Variants in CNNM2 observed in about 807,000 individuals in gnomAD.
The protein encoded by CNNM2 is cyclin and CBS domain divalent metal cation transport mediator 2.
CNNM2 carries 12 observed loss-of-function variants against 66.9 expected under a neutral mutation model. That is an observed-to-expected ratio of 0.18 (90% CI 0.11 to 0.29). CNNM2 has a LOEUF of 0.29. Among genes scored for constraint, CNNM2 ranks in the 10% least tolerant of loss-of-function variants. The probability of loss-of-function intolerance (pLI) is 1.00; values close to 1 mark genes in which losing one functional copy is unlikely to be tolerated. For missense variants in CNNM2, 705 were observed against 1,167.7 expected (o/e 0.60, Z 5.77); for synonymous variants, 557 against 501.8 (o/e 1.11, Z -1.47).
At chr10:103,064,724 C>T (rs1363300820) in intron 4 of CNNM2, among the ~76,000 whole-genome samples, 1 of 151,998 alleles carries the variant, frequency 6.6e-6, no homozygotes, top group Non-Finnish European at 1.5e-5. Flanking sequence ...CCTGTAGTGC[C>T]AGCTACTCAG....
chr10:103,023,670 G>A (rs926496066), intron 1 of CNNM2, among the ~76,000 whole-genome samples: 4 of 152,202 alleles, frequency 2.6e-5, no homozygotes, highest in African/African-American at 9.6e-5. Flanking sequence ...CCAACATTGG[G>A]GATCACATTT....
intron 1 of CNNM2, among the ~76,000 whole-genome samples, chr10:103,001,362 T>C (rs2064119170): frequency 6.6e-6 from 1 of 151,988 alleles, no homozygotes; most frequent in Non-Finnish European, 1.5e-5. Flanking sequence ...ATACAAAAAA[T>C]TGGGGGAAAA....
intron 1 of CNNM2, among the ~76,000 whole-genome samples, chr10:103,026,497 A>G (rs2064705462): frequency 6.7e-6 from 1 of 148,812 alleles, no homozygotes; most frequent in African/African-American, 2.5e-5. Context: ...GCTACTCAAG[A>G]GGCTGAGGTG....
chr10:102,975,657 G>A (rs1358248551), intron 1 of CNNM2, among the ~76,000 whole-genome samples: 1 of 152,056 alleles, frequency 6.6e-6, no homozygotes, highest in East Asian at 1.9e-4. Flanking sequence ...GTGTTGGCAG[G>A]ACCTGTGAAG....
intron 1 of CNNM2, among the ~76,000 whole-genome samples, chr10:103,023,733 C>A (rs1240551145): frequency 6.6e-6 from 1 of 152,090 alleles, no homozygotes; most frequent in African/African-American, 2.4e-5. Context: ...TTCCATTAAA[C>A]AACAAAGTCA....
chr10:103,036,980 G>C (rs1278648004), intron 1 of CNNM2, among the ~76,000 whole-genome samples: 3 of 152,064 alleles, frequency 2.0e-5, no homozygotes, highest in African/African-American at 7.2e-5. Flanking sequence ...TTGTGACTCT[G>C]TGCTGTAGTT....
chr10:103,042,388 A>G (rs527481570), intron 1 of CNNM2, among the ~76,000 whole-genome samples: 1 of 152,210 alleles, frequency 6.6e-6, no homozygotes, highest in African/African-American at 2.4e-5. Flanking sequence ...TTCCCTGGCC[A>G]TCCTGTGTTA....
chr10:103,090,035 A>G lies in CNNM2; in HGVS notation c.*12855A>G, dbSNP rs1470358870. On this transcript the variant is annotated 3_prime_UTR_variant, in exon 8 of 8. Coordinates refer to ENST00000369878, the MANE Select transcript of CNNM2 (RefSeq NM_017649.5). ...CTATAATGGACCACAGGACAAGTCA[A>G]TATAGACTTATCTTCATAGAACTAC... The G allele has an allele frequency of 1.6e-6, 1 of 627,744 alleles. No homozygotes were observed. The allele number at this position is 627,744 out of a possible 1,614,324, so 38.9% of individuals were successfully genotyped here. A position where few individuals can be genotyped will look rare whatever the true frequency, so the allele number is the denominator to read the frequency against.
intron 1 of CNNM2, among the ~76,000 whole-genome samples, chr10:102,927,847 C>G (rs1845928314): frequency 6.6e-6 from 1 of 152,104 alleles, no homozygotes; most frequent in Non-Finnish European, 1.5e-5. Context: ...GATGCCAAAC[C>G]CTCTCCCTGT....
chr10:103,046,521 TTTTA>T (rs1362942423), intron 1 of CNNM2, among the ~76,000 whole-genome samples: 12 of 152,332 alleles, frequency 7.9e-5, no homozygotes, highest in African/African-American at 2.9e-4. Context: ...TTGAGGATCC[TTTTA>T]TTTATGTGGG....
At chr10:103,065,828 G>T (rs1225906000) in intron 4 of CNNM2, among the ~76,000 whole-genome samples, 1 of 152,206 alleles carries the variant, frequency 6.6e-6, no homozygotes, top group African/African-American at 2.4e-5. Context: ...GAATTGGGGA[G>T]ACATGTACCG....
At chr10:102,927,632 G>T (rs1470568343) in intron 1 of CNNM2, 3 of 499,868 alleles carry the variant, frequency 6.0e-6, no homozygotes, top group African/African-American at 1.9e-5. Context: ...GTGCGTGGTG[G>T]TGGGTGCTTG....
chr10:103,014,966 C>T (rs889172142), intron 1 of CNNM2, among the ~76,000 whole-genome samples: 3 of 152,064 alleles, frequency 2.0e-5, no homozygotes, highest in African/African-American at 7.2e-5. Flanking sequence ...TTTAATATAT[C>T]TGATATCCCC....
chr10:103,077,352 G>A lies in CNNM2; in HGVS notation c.*172G>A. 1.7e-6 allele frequency: 1 copy of A among 597,238 alleles called. No individual in the cohort carries two copies. The highest frequency in any genetic ancestry group is 2.9e-6 in the Non-Finnish European group (1 of 345,944). The allele number at this position is 597,238 out of a possible 1,614,324, so 37.0% of individuals were successfully genotyped here. ...AGCCGCGGAGGAGGACAGTGAGGGA[G>A]GAATGGAAACGAGAGATGTGAAGTT... On this transcript the variant is annotated 3_prime_UTR_variant, in exon 8 of 8. Transcript: ENST00000369878.
intron 4 of CNNM2, among the ~76,000 whole-genome samples, chr10:103,057,580 C>G (rs1356796318): frequency 1.3e-5 from 2 of 151,998 alleles, no homozygotes; most frequent in East Asian, 3.8e-4. Context: ...CAGTACATGT[C>G]TGAATCTCAG....
At chr10:102,989,731 G>GA (rs1317439325) in intron 1 of CNNM2, among the ~76,000 whole-genome samples, 12 of 152,044 alleles carry the variant, frequency 7.9e-5, no homozygotes, top group African/African-American at 2.7e-4. Context: ...TGACCCAGGA[G>GA]ACGGAGGTTG....
In CNNM2 at chr10:103,085,543, C is replaced by T. The variant is rs1370589433; in HGVS notation, c.*8363C>T. On this transcript the variant is annotated 3_prime_UTR_variant, in exon 8 of 8. Transcript: ENST00000369878. Reference sequence around the variant, plus strand: ...GTTTATCTCAGGCCTTGTCTACTCCCCTCGCCAGACATGGCTTTGGGAAGA... The same window carrying T: ...GTTTATCTCAGGCCTTGTCTACTCCTCTCGCCAGACATGGCTTTGGGAAGA... 6.6e-6 allele frequency: 1 copy of T among 152,208 alleles called. No homozygotes were observed. The highest frequency in any genetic ancestry group is 6.5e-5 in the Admixed American group (1 of 15,282). The allele number at this position is 152,208 out of a possible 1,614,324, so 9.4% of individuals were successfully genotyped here. A position where few individuals can be genotyped will look rare whatever the true frequency, so the allele number is the denominator to read the frequency against.
chr10:103,076,148 G>A lies in CNNM2; in HGVS notation c.2296G>A (p.Asp766Asn), dbSNP rs377749684. Residue 766 changes from aspartate to asparagine, a missense_variant, in exon 7 of 8, where the codon GAC becomes AAC. Physicochemically the swap from Asp to Asn is conservative, Grantham distance 23. Coordinates refer to ENST00000369878, the MANE Select transcript of CNNM2 (RefSeq NM_017649.5). ...LNHSDSLSRS[D>N]RIDAVTPTLG... The stretch of plus-strand genomic sequence containing the variant: ...TCACTCAGACTCTCTCAGTCGAAGC[G>A]ACCGGATTGACGCCGTCACACCAAC... The A allele has an allele frequency of 2.2e-5, 35 of 1,609,578 alleles. No individual in the cohort carries two copies. Among genetic ancestry groups the A allele is most frequent in the Non-Finnish European group, 2.9e-5 (34 of 1,178,100 alleles).
At chr10:102,960,035 G>A (rs563162619) in intron 1 of CNNM2, among the ~76,000 whole-genome samples, 4 of 151,868 alleles carry the variant, frequency 2.6e-5, no homozygotes, top group Admixed American at 2.6e-4. Flanking sequence ...CTGGGCGACA[G>A]AGCAAGACTC....
Sources: gnomAD v4.1 joint callset for allele counts (sites outside exome capture counted in the v4.1 genomes callset) on GRCh38, gnomAD v4.1.1 for gene constraint, MANE v1.5 for transcripts, NCBI Gene and HGNC (gene_info 2026-07-23, HGNC 2026-07-21) for gene names.